The following CCDC63 variants were observed in gnomAD, a reference collection of about 807,000 sequenced individuals.
CCDC63 encodes the protein coiled-coil domain-containing protein 63.
Under a neutral mutation model 63.6 loss-of-function variants are expected in CCDC63, and 54 were observed. The observed-to-expected ratio is 0.85, with a 90% CI of 0.68 to 1.07. The LOEUF (loss-of-function observed/expected upper bound fraction) is 1.07, where lower values mean the gene tolerates loss of function less well. Among genes scored for constraint, CCDC63 ranks in the 50% least tolerant of loss-of-function variants. CCDC63 has a pLI of 0.00. For synonymous variants in CCDC63, 253 were observed against 266.1 expected (o/e 0.95, Z 0.48); for missense variants, 637 against 689.6 (o/e 0.92, Z 0.86).
chr12:110,853,806 C>G (rs187359689), intron 3 of CCDC63, among the ~76,000 whole-genome samples: 4 of 152,232 alleles, frequency 2.6e-5, no homozygotes, highest in Admixed American at 2.6e-4. Context: ...TTTGGGGACC[C>G]CTGGTGGGCA....
At chr12:110,883,036 A>T (rs1353841314) in intron 7 of CCDC63, among the ~76,000 whole-genome samples, 3 of 137,888 alleles carry the variant, frequency 2.2e-5, no homozygotes, top group East Asian at 2.1e-4. Flanking sequence ...CTAATTTTAA[A>T]TTTTTTTTTT....
At chr12:110,896,004 T>A (rs2136732591) in intron 9 of CCDC63, among the ~76,000 whole-genome samples, 1 of 152,362 alleles carries the variant, frequency 6.6e-6, no homozygotes. Context: ...TGAGTTCAGA[T>A]GATGTGTGTA....
At position 110,904,720 on chromosome 12, in the gene CCDC63, AG is replaced by A. The variant is rs770306431; in HGVS notation, c.1476del (p.Lys492AsnfsTer44). ...NPFWGGSALLKPPEPIKVIPP... is the reference protein window; with the variant it reads ...NPFWGGSALLXPPEPIKVIPP... ...TTCTGGGGTGGCTCTGCCCTCCTCA[AG>A]CCCCCAGAACCCATCAAAGTCATCC... is the stretch of plus-strand genomic sequence containing the variant. On this transcript the variant is annotated frameshift_variant, in exon 11 of 12. Coordinates refer to ENST00000308208, the MANE Select transcript of CCDC63 (RefSeq NM_152591.3). LOFTEE classifies it high-confidence loss of function. 1.5e-5 allele frequency: 25 copies of A among 1,614,006 alleles called. No homozygotes were observed. In the Middle Eastern group the frequency reaches 1.3e-3, roughly 85 times the overall value.
rs749657409 is a variant in CCDC63 at position 110,884,185 on chromosome 12, T to C, written c.1009T>C (p.Phe337Leu). 6.2e-7 allele frequency: 1 copy of C among 1,614,126 alleles called. No homozygotes were observed. The highest frequency in any genetic ancestry group is 8.5e-7 in the Non-Finnish European group (1 of 1,180,016). ...LAKEEKNFARFTYVTELNNDM... is the reference protein window; with the variant it reads ...LAKEEKNFARLTYVTELNNDM... ...CAAGGAGGAGAAGAATTTTGCTCGG[T>C]TCACGTATGTCACGGAGCTCAACAA... Residue 337 changes from phenylalanine to leucine, a missense_variant, in exon 8 of 12, where the codon TTC becomes CTC. Coordinates refer to ENST00000308208, the MANE Select transcript of CCDC63 (RefSeq NM_152591.3).
At chr12:110,866,750 C>T (rs2070955111) in intron 4 of CCDC63, among the ~76,000 whole-genome samples, 1 of 148,550 alleles carries the variant, frequency 6.7e-6, no homozygotes, top group Non-Finnish European at 1.5e-5. Context: ...CATCCGATTT[C>T]TCAATCTTTT....
intron 2 of CCDC63, 35 bp from the exon 3 acceptor site, chr12:110,853,370 C>T: frequency 6.3e-7 from 1 of 1,589,498 alleles, no homozygotes; most frequent in Non-Finnish European, 8.5e-7. Context: ...CCACCTGGCC[C>T]ACTACGGCCT....
chr12:110,851,236 G>A (rs1156385218), intron 1 of CCDC63, among the ~76,000 whole-genome samples: 1 of 113,374 alleles, frequency 8.8e-6, no homozygotes, highest in Admixed American at 9.9e-5. Flanking sequence ...GGTATGTTCA[G>A]GCTTGGCTAA....
Position 110,852,978 on chromosome 12 carries a change from C to G in CCDC63, c.9+15C>G, listed in dbSNP as rs1284506528. 6.2e-7 allele frequency: 1 copy of G among 1,613,752 alleles called. No individual in the cohort carries two copies. The highest frequency in any genetic ancestry group is 8.5e-7 in the Non-Finnish European group (1 of 1,179,776). On this transcript the variant is annotated intron_variant, in intron 2 of 11. Transcript: ENST00000308208. ...AGATGTCTGTGGTAGGTGATGCCAG[C>G]TCCCAGCCACAGAGCACCTACTATG...
At chr12:110,850,907 T>C (rs2070697645) in intron 1 of CCDC63, among the ~76,000 whole-genome samples, 1 of 152,216 alleles carries the variant, frequency 6.6e-6, no homozygotes, top group Non-Finnish European at 1.5e-5. Flanking sequence ...CAGTTCTCTC[T>C]GCCCAGAATA....
chr12:110,890,607 G>A (rs927125640), intron 8 of CCDC63, among the ~76,000 whole-genome samples: 8 of 148,988 alleles, frequency 5.4e-5, no homozygotes, highest in African/African-American at 1.5e-4. Flanking sequence ...GGCAGTGTGT[G>A]GTTACACGTT....
At chr12:110,872,733 C>T (rs1450946161) in intron 4 of CCDC63, among the ~76,000 whole-genome samples, 1 of 152,096 alleles carries the variant, frequency 6.6e-6, no homozygotes, top group Non-Finnish European at 1.5e-5. Flanking sequence ...TCAAGTTATC[C>T]TCCTGCCTCA....
chr12:110,866,605 G>T (rs2070952266), intron 4 of CCDC63, among the ~76,000 whole-genome samples: 2 of 150,672 alleles, frequency 1.3e-5, no homozygotes, highest in African/African-American at 4.9e-5. Context: ...AGTGGACACA[G>T]CACATGTTTC....
In CCDC63 at chr12:110,907,433, A is replaced by G. The variant is rs2071606695; in HGVS notation, c.1649A>G (p.Glu550Gly). The G allele has an allele frequency of 6.2e-7, 1 of 1,614,104 alleles. No individual in the cohort carries two copies. The highest frequency in any genetic ancestry group is 8.5e-7 in the Non-Finnish European group (1 of 1,180,036). Reference protein sequence around the residue: ...SKEVRGDSLPEKVDDFRSRKK... With the variant: ...SKEVRGDSLPGKVDDFRSRKK... Reference sequence around the variant, plus strand: ...GAAGTGCGCGGAGACAGCCTGCCTGAGAAGGTGGATGACTTCAGATCCAGG... The same window carrying G: ...GAAGTGCGCGGAGACAGCCTGCCTGGGAAGGTGGATGACTTCAGATCCAGG... Residue 550 changes from glutamate (E) to glycine (G), a missense_variant, in exon 12 of 12, where the codon GAG becomes GGG. Coordinates refer to ENST00000308208, the MANE Select transcript of CCDC63 (RefSeq NM_152591.3). The surrounding 1 kb of genome is among the most constrained non-coding windows in gnomAD (Gnocchi z 4.4).
At chr12:110,864,336 G>T (rs977792573) in intron 4 of CCDC63, among the ~76,000 whole-genome samples, 1 of 151,960 alleles carries the variant, frequency 6.6e-6, no homozygotes, top group African/African-American at 2.4e-5. Flanking sequence ...AGTTGCCTGT[G>T]GTCAAGTTAC....
intron 9 of CCDC63, among the ~76,000 whole-genome samples, chr12:110,898,385 G>C (rs1177992404): frequency 6.6e-6 from 1 of 151,426 alleles, no homozygotes; most frequent in Non-Finnish European, 1.5e-5. Context: ...CACTTTGAGA[G>C]GCCAACGTGG....
At chr12:110,892,842 A>T (rs932649334) in intron 8 of CCDC63, among the ~76,000 whole-genome samples, 3 of 151,930 alleles carry the variant, frequency 2.0e-5, no homozygotes, top group Non-Finnish European at 4.4e-5. Context: ...AAAGAAAGAA[A>T]GGATGACTCA....
rs1347077828 is a variant in CCDC63, at chr12:110,904,451, T to C, written c.1343-137T>C. Reference sequence around the variant, plus strand: ...CATAGTGACGCCCAGGAGAAAGCCTTTTCCTTGTCAGAGCCCAGATCCCGC... The same window carrying C: ...CATAGTGACGCCCAGGAGAAAGCCTCTTCCTTGTCAGAGCCCAGATCCCGC... On this transcript the variant is annotated intron_variant, in intron 10 of 11. Coordinates refer to ENST00000308208, the MANE Select transcript of CCDC63 (RefSeq NM_152591.3). 3 of 696,672 alleles carry C rather than the reference T, an allele frequency of 4.3e-6. No homozygotes were observed. In the African/African-American group the frequency reaches 5.3e-5, roughly 12 times the overall value. 43.2% of individuals were successfully genotyped at this position (696,672 alleles called of 1,614,324 possible). A position where few individuals can be genotyped will look rare whatever the true frequency, so the allele number is the denominator to read the frequency against.
At chr12:110,868,276 C>T (rs1229017169) in intron 4 of CCDC63, among the ~76,000 whole-genome samples, 1 of 130,810 alleles carries the variant, frequency 7.6e-6, no homozygotes, top group Non-Finnish European at 1.6e-5. Flanking sequence ...GGGCTCCTCA[C>T]ATCCCAGACG....
intron 5 of CCDC63, among the ~76,000 whole-genome samples, chr12:110,878,530 G>T (rs2071161222): frequency 6.6e-6 from 1 of 152,100 alleles, no homozygotes; most frequent in African/African-American, 2.4e-5. Context: ...GGCCAGGCTG[G>T]TCTTGAACTC....
Sources: allele counts gnomAD v4.1 joint callset (sites outside exome capture counted in the v4.1 genomes callset), GRCh38; gene constraint gnomAD v4.1.1; non-coding constraint Gnocchi (gnomAD v3.1); transcripts MANE v1.5; gene names NCBI Gene and HGNC (gene_info 2026-07-23, HGNC 2026-07-21).